ZDHHC15: variants seen among roughly 807,000 people sequenced by gnomAD.
ZDHHC15 encodes the protein palmitoyltransferase ZDHHC15.
ZDHHC15 carries 19 observed loss-of-function variants against 31.7 expected under a neutral mutation model. The ratio of observed to expected loss-of-function variants is 0.60; its 90% CI spans 0.42 to 0.88. The LOEUF (loss-of-function observed/expected upper bound fraction) is 0.88, where lower values mean the gene tolerates loss of function less well. ZDHHC15 is among the 40% of genes least tolerant of loss of function. The pLI, the probability that ZDHHC15 is intolerant of heterozygous loss-of-function variation, is 0.00. For synonymous variants in ZDHHC15, 103 were observed against 90.0 expected (o/e 1.14, Z -0.82); for missense variants, 209 against 251.2 (o/e 0.83, Z 1.14).
chrX:75,461,904 T>C (rs970582028), intron 3 of ZDHHC15, among the ~76,000 whole-genome samples: 18 of 111,956 alleles, frequency 1.6e-4, no homozygotes, highest in African/African-American at 5.8e-4. Context: ...AGCATCATGA[T>C]GACAGGATCA....
intron 3 of ZDHHC15, among the ~76,000 whole-genome samples, chrX:75,465,710 T>G (rs2084392729): frequency 8.9e-6 from 1 of 111,771 alleles, no homozygotes; most frequent in Admixed American, 9.5e-5. Flanking sequence ...GGATTCCCTA[T>G]TTTGTAAATG....
intron 4 of ZDHHC15, among the ~76,000 whole-genome samples, chrX:75,439,449 A>G (rs2083908708): frequency 9.0e-6 from 1 of 111,211 alleles, no homozygotes; most frequent in African/African-American, 3.3e-5. Flanking sequence ...TACTTCTTCA[A>G]TTATATTGTT....
At chrX:75,519,037 G>A (rs1256597888) in intron 1 of ZDHHC15, among the ~76,000 whole-genome samples, 1 of 108,219 alleles carries the variant, frequency 9.2e-6, no homozygotes, top group African/African-American at 3.4e-5. Context: ...TAATTGGCTA[G>A]GACTTGGGGG....
At chrX:75,483,710 T>C (rs1294936697) in intron 2 of ZDHHC15, among the ~76,000 whole-genome samples, 6 of 112,155 alleles carry the variant, frequency 5.3e-5, no homozygotes, top group Non-Finnish European at 1.1e-4. Flanking sequence ...GAATAATCTT[T>C]GGCTTCTTTC....
At chrX:75,449,795 T>C (rs745460576) in intron 4 of ZDHHC15, among the ~76,000 whole-genome samples, 2 of 112,212 alleles carry the variant, frequency 1.8e-5, no homozygotes, top group Non-Finnish European at 3.8e-5. Context: ...AACATTAGGA[T>C]GACATATCAG....
chrX:75,476,830 C>T (rs1403598919), intron 3 of ZDHHC15, among the ~76,000 whole-genome samples: 1 of 108,061 alleles, frequency 9.3e-6, no homozygotes, highest in Non-Finnish European at 1.9e-5. Flanking sequence ...TTTGTTAACC[C>T]TCAGTTTTGG....
chrX:75,464,167 C>T (rs943582997), intron 3 of ZDHHC15, among the ~76,000 whole-genome samples: 6 of 111,073 alleles, frequency 5.4e-5, no homozygotes, highest in Non-Finnish European at 3.8e-5. Context: ...CCATCATTCT[C>T]GGCAAACTGT....
At position 75,517,661 on chromosome X, in the gene ZDHHC15, A is replaced by G. The variant is rs763017774; in HGVS notation, c.136+5228T>C. ...TAAATGAGGAGTTAATGGGTGCAGC[A>G]CACCAACATGGCACATGTATACATA... On this transcript the variant is annotated intron_variant, in intron 1 of 11. Coordinates refer to ENST00000373367, the MANE Select transcript of ZDHHC15 (RefSeq NM_144969.3). 2.8e-5 allele frequency among the ~76,000 whole-genome samples: 3 copies of G among 108,493 alleles called. No individual in the cohort carries two copies. The South Asian group carries it at 1.3e-3, about 46-fold the overall frequency. The allele number at this position is 108,493 out of a possible 115,157, so 94.2% of individuals were successfully genotyped here.
chrX:75,441,684 C>T (rs1161848954), intron 4 of ZDHHC15, among the ~76,000 whole-genome samples: 4 of 103,794 alleles, frequency 3.9e-5, no homozygotes, highest in Admixed American at 1.1e-4. Context: ...AGTACAGTGG[C>T]GTGATCTCCT....
At chrX:75,489,829 G>C (rs2084845599) in intron 2 of ZDHHC15, among the ~76,000 whole-genome samples, 1 of 111,731 alleles carries the variant, frequency 9.0e-6, no homozygotes, top group African/African-American at 3.3e-5. Flanking sequence ...TGGCAAAGAA[G>C]TTAAAAACCT....
Position 75,503,161 on chromosome X carries a change from T to A in ZDHHC15, c.163+2660A>T, listed in dbSNP as rs144873211. ...AAAATTAAAAAATAAAAAAAGAGTA[T>A]CTGAATCCTGCAAAACCAAGGCAGA... On this transcript the variant is annotated intron_variant, in intron 2 of 11. Transcript: ENST00000373367. 2.3e-3 allele frequency among the ~76,000 whole-genome samples: 256 copies of A among 110,461 alleles called. 3 individuals carry two copies. In the East Asian group the frequency reaches 0.062, roughly 27 times the overall value.
intron 4 of ZDHHC15, among the ~76,000 whole-genome samples, chrX:75,433,687 GTGTGTGTGTGTA>G (rs1352122601): frequency 3.9e-3 from 32 of 8,160 alleles, no homozygotes; most frequent in East Asian, 0.048. Context: ...GTGTGTGTGT[GTGTGTGTGTGTA>G]TATATATATA....
At chrX:75,399,541 G>C (rs770609585) in intron 10 of ZDHHC15, among the ~76,000 whole-genome samples, 2 of 111,274 alleles carry the variant, frequency 1.8e-5, no homozygotes, top group East Asian at 5.8e-4. Flanking sequence ...TCTCTCTGGA[G>C]TAAAGCCTCC....
chrX:75,498,652 GA>G (rs1444307002), intron 2 of ZDHHC15, among the ~76,000 whole-genome samples: 1 of 111,719 alleles, frequency 9.0e-6, no homozygotes, highest in African/African-American at 3.3e-5. Context: ...CAAACAAGTA[GA>G]AACACATCCC....
At chrX:75,480,357 T>A (rs1166517546) in intron 2 of ZDHHC15, among the ~76,000 whole-genome samples, 3 of 111,838 alleles carry the variant, frequency 2.7e-5, no homozygotes, top group African/African-American at 9.7e-5. Flanking sequence ...TTGGTATGTA[T>A]CATTCCAGAT....
intron 4 of ZDHHC15, among the ~76,000 whole-genome samples, chrX:75,432,127 T>C (rs2083787806): frequency 8.9e-6 from 1 of 111,901 alleles, no homozygotes; most frequent in Non-Finnish European, 1.9e-5. Context: ...TTTCTTATTT[T>C]AGGATTCTTT....
intron 10 of ZDHHC15, among the ~76,000 whole-genome samples, chrX:75,410,330 C>A (rs921294849): frequency 1.9e-5 from 2 of 107,614 alleles, no homozygotes; most frequent in Non-Finnish European, 3.8e-5. Context: ...GGATTTATAA[C>A]CAGAATATAT....
At chrX:75,508,008 G>T (rs1400117094) in intron 1 of ZDHHC15, among the ~76,000 whole-genome samples, 1 of 111,252 alleles carries the variant, frequency 9.0e-6, no homozygotes, top group Non-Finnish European at 1.9e-5. Context: ...TTCTACAGCA[G>T]TGCGATCCAA....
chrX:75,404,690 G>A (rs1602572013), intron 10 of ZDHHC15, among the ~76,000 whole-genome samples: 1 of 111,782 alleles, frequency 8.9e-6, no homozygotes, highest in East Asian at 2.8e-4. Context: ...CCATCTTACA[G>A]CAGTCAGAAT....
Sources: gnomAD v4.1 joint callset for allele counts (sites outside exome capture counted in the v4.1 genomes callset) on GRCh38, gnomAD v4.1.1 for gene constraint, MANE v1.5 for transcripts, NCBI Gene and HGNC (gene_info 2026-07-23, HGNC 2026-07-21) for gene names.